The following SNTB1 variants were observed in gnomAD, a reference collection of about 807,000 sequenced individuals.
The protein encoded by SNTB1 is beta-1-syntrophin.
Under a neutral mutation model 48.9 loss-of-function variants are expected in SNTB1, and 36 were observed. That is an observed-to-expected ratio of 0.74 (90% confidence interval 0.56 to 0.97). The LOEUF (loss-of-function observed/expected upper bound fraction) is 0.97, where lower values mean the gene tolerates loss of function less well. SNTB1 is among the 50% of genes least tolerant of loss of function. The pLI, the probability that SNTB1 is intolerant of heterozygous loss-of-function variation, is 0.00. For missense variants in SNTB1, 786 were observed against 703.4 expected (o/e 1.12, Z -1.33); for synonymous variants, 299 against 294.6 (o/e 1.01, Z -0.15).
At chr8:120,771,823 C>T (rs1316715983) in intron 1 of SNTB1, among the ~76,000 whole-genome samples, 1 of 151,816 alleles carries the variant, frequency 6.6e-6, no homozygotes, top group East Asian at 1.9e-4. Context: ...AACAGTGTTT[C>T]AACACATTTT....
At chr8:120,699,426 T>C (rs1361031822) in intron 1 of SNTB1, among the ~76,000 whole-genome samples, 8 of 152,224 alleles carry the variant, frequency 5.3e-5, no homozygotes, top group Non-Finnish European at 1.5e-5. Context: ...TTGGTTCACT[T>C]GAGATCTGGT....
chr8:120,685,607 A>C (rs1002300365), intron 2 of SNTB1, among the ~76,000 whole-genome samples: 2 of 152,028 alleles, frequency 1.3e-5, no homozygotes, highest in African/African-American at 4.8e-5. Context: ...TCATTCTTCC[A>C]TTGTCTTGAT....
chr8:120,581,746 T>A (rs1380402961), intron 3 of SNTB1, among the ~76,000 whole-genome samples: 1 of 152,246 alleles, frequency 6.6e-6, no homozygotes, highest in African/African-American at 2.4e-5. Flanking sequence ...ATTTTAATTT[T>A]AATTTTATTT....
intron 5 of SNTB1, among the ~76,000 whole-genome samples, chr8:120,543,352 C>T (rs920442578): frequency 3.9e-5 from 6 of 152,190 alleles, no homozygotes; most frequent in East Asian, 3.9e-4. Flanking sequence ...ACACTCACTG[C>T]TGGGGATGGG....
rs1263579169 is a variant in SNTB1 at position 120,811,545 on chromosome 8, T to C, written c.299A>G (p.Glu100Gly). The change falls in exon 1 of 7, where the codon GAG (glutamate) becomes GGG (glycine). Residue 100 changes from glutamate to glycine, a missense_variant. Glu to Gly is a moderately conservative substitution (Grantham distance 98). Coordinates refer to ENST00000517992, the MANE Select transcript of SNTB1 (RefSeq NM_021021.4). ...GVRTAFTDLP[E>G]QVPESISNQK... ...GTTCGAGATGGACTCGGGCACCTGC[T>C]CGGGCAGGTCGGTGAAAGCGGTGCG... 1.2e-6 allele frequency: 2 copies of C among 1,602,178 alleles called. No homozygotes were observed. The highest frequency in any genetic ancestry group is 4.5e-5 in the East Asian group (2 of 44,126).
At chr8:120,754,089 T>C (rs562138235) in intron 1 of SNTB1, among the ~76,000 whole-genome samples, 6 of 152,306 alleles carry the variant, frequency 3.9e-5, no homozygotes, top group Non-Finnish European at 7.4e-5. Context: ...GGCCTGCTGA[T>C]AGTAACTCAC....
Position 120,541,954 on chromosome 8 carries a change from C to T in SNTB1, c.1380G>A (p.Glu460=). ...NQECRLTIHY[E]NGFSITTEPQ... is the part of the protein sequence containing the mutation. Reference sequence around the variant, plus strand: ...GTTCAGTGGTAATAGAAAATCCATTCTCATAATGTATGGTCAAACGGCACT... The same window carrying T: ...GTTCAGTGGTAATAGAAAATCCATTTTCATAATGTATGGTCAAACGGCACT... The change falls in exon 6 of 7, where the codon GAG becomes GAA. Residue 460 remains glutamate (E), a synonymous_variant. Coordinates refer to ENST00000517992, the MANE Select transcript of SNTB1 (RefSeq NM_021021.4). 1 of 1,613,950 alleles carries T rather than the reference C, an allele frequency of 6.2e-7. No homozygotes were observed. The highest frequency in any genetic ancestry group is 1.3e-5 in the African/African-American group (1 of 75,010).
At chr8:120,731,664 C>A (rs1818853140) in intron 1 of SNTB1, among the ~76,000 whole-genome samples, 1 of 152,158 alleles carries the variant, frequency 6.6e-6, no homozygotes, top group Non-Finnish European at 1.5e-5. Flanking sequence ...ATGGCAGGGG[C>A]AGAAAACTGG....
At chr8:120,803,733 T>C (rs1304603316) in intron 1 of SNTB1, among the ~76,000 whole-genome samples, 2 of 152,196 alleles carry the variant, frequency 1.3e-5, no homozygotes, top group Admixed American at 6.5e-5. Flanking sequence ...AGGGCTGTTC[T>C]GACCAGCTTC....
chr8:120,606,980 G>T (rs1816533423), intron 3 of SNTB1, among the ~76,000 whole-genome samples: 1 of 152,022 alleles, frequency 6.6e-6, no homozygotes, highest in Admixed American at 6.6e-5. Context: ...AGATGAGAGG[G>T]GTAAAATTAT....
rs546059376 is a variant in SNTB1, at chr8:120,681,508, G to A, written c.788+12184C>T. ...GCTCAGAACCTCCAGAGACAGGGTAGGGGGTGATATGGCCCTGAAAAGAGG... is the reference window on the plus strand; with the variant it reads ...GCTCAGAACCTCCAGAGACAGGGTAAGGGGTGATATGGCCCTGAAAAGAGG... On this transcript the variant is annotated intron_variant, in intron 2 of 6. Coordinates refer to ENST00000517992, the MANE Select transcript of SNTB1 (RefSeq NM_021021.4). Among the ~76,000 whole-genome samples, 17 of 152,274 alleles carry A rather than the reference G, an allele frequency of 1.1e-4. No homozygotes were observed. In the South Asian group the frequency reaches 3.5e-3, roughly 32 times the overall value.
chr8:120,551,053 C>T (rs1815471351), intron 4 of SNTB1, among the ~76,000 whole-genome samples: 1 of 152,004 alleles, frequency 6.6e-6, no homozygotes, highest in African/African-American at 2.4e-5. Flanking sequence ...GTCAGGAGTT[C>T]AAGACAGCCT....
rs1815235359 is a variant in SNTB1, at chr8:120,538,631, C to T, written c.*246G>A. ...ATGCTGTGTATTTCCCGTCACCTCACCTCTTTAACCTTGTACTGTTCTAGA... is the reference window on the plus strand; with the variant it reads ...ATGCTGTGTATTTCCCGTCACCTCATCTCTTTAACCTTGTACTGTTCTAGA... On this transcript the variant is annotated 3_prime_UTR_variant, in exon 7 of 7. Transcript: ENST00000517992. 3.5e-6 allele frequency: 2 copies of T among 574,682 alleles called. No homozygotes were observed. The highest frequency in any genetic ancestry group is 1.5e-5 in the South Asian group (1 of 65,652). 35.6% of individuals were successfully genotyped at this position (574,682 alleles called of 1,614,324 possible).
At chr8:120,774,612 A>C (rs1027461686) in intron 1 of SNTB1, among the ~76,000 whole-genome samples, 3 of 152,094 alleles carry the variant, frequency 2.0e-5, no homozygotes, top group African/African-American at 4.8e-5. Flanking sequence ...AGATTACAAA[A>C]ACCAAAGAAG....
At chr8:120,621,009 G>T (rs1323248441) in intron 3 of SNTB1, among the ~76,000 whole-genome samples, 1 of 150,970 alleles carries the variant, frequency 6.6e-6, no homozygotes. Flanking sequence ...CCCCAGGCTG[G>T]AGTACAGTGG....
At chr8:120,673,623 T>G (rs1350859930) in intron 2 of SNTB1, among the ~76,000 whole-genome samples, 1 of 151,938 alleles carries the variant, frequency 6.6e-6, no homozygotes, top group African/African-American at 2.4e-5. Flanking sequence ...CCCTCTCTGC[T>G]TGGGCTATGA....
At chr8:120,725,008 G>A (rs977666395) in intron 1 of SNTB1, among the ~76,000 whole-genome samples, 5 of 152,240 alleles carry the variant, frequency 3.3e-5, no homozygotes, top group African/African-American at 7.2e-5. Flanking sequence ...TTTAGCTGCA[G>A]ATGTGATGAG....
intron 2 of SNTB1, among the ~76,000 whole-genome samples, chr8:120,690,897 C>T (rs186500682): frequency 8.5e-5 from 13 of 152,354 alleles, no homozygotes; most frequent in African/African-American, 3.1e-4. Context: ...TGGGACCTGT[C>T]TGGACCTGAA....
rs1817728397 is a variant in SNTB1 at position 120,669,677 on chromosome 8, C to T, written c.788+24015G>A. On this transcript the variant is annotated intron_variant, in intron 2 of 6. Coordinates refer to ENST00000517992, the MANE Select transcript of SNTB1 (RefSeq NM_021021.4). ...CCGTGTTAGCCAGGATGGTCTCGAT[C>T]TCCTGACCTCGTGATCCACCCGCCT... is the stretch of plus-strand genomic sequence containing the variant. Among the ~76,000 whole-genome samples the T allele has an allele frequency of 5.3e-5, 2 of 37,642 alleles. 1 individual carries two copies. Among genetic ancestry groups the T allele is most frequent in the Non-Finnish European group, 8.7e-5 (2 of 22,942 alleles). The allele number at this position is 37,642 out of a possible 152,430, so 24.7% of individuals were successfully genotyped here.
Sources: allele counts gnomAD v4.1 joint callset (sites outside exome capture counted in the v4.1 genomes callset), GRCh38; gene constraint gnomAD v4.1.1; transcripts MANE v1.5; gene names NCBI Gene and HGNC (gene_info 2026-07-23, HGNC 2026-07-21).